The following ADAM23 variants were observed in gnomAD, a reference collection of about 807,000 sequenced individuals.
ADAM23 encodes the protein ADAM metallopeptidase domain 23, also known as disintegrin and metalloproteinase domain-containing protein 23.
A neutral mutation model predicts 120.1 loss-of-function variants in ADAM23; 33 were observed. The ratio of observed to expected loss-of-function variants is 0.27; its 90% CI spans 0.21 to 0.37. The LOEUF (loss-of-function observed/expected upper bound fraction) is 0.37, where lower values mean the gene tolerates loss of function less well. Among genes scored for constraint, ADAM23 ranks in the 10% least tolerant of loss-of-function variants. The pLI, the probability that ADAM23 is intolerant of heterozygous loss-of-function variation, is 1.00. For synonymous variants in ADAM23, 367 were observed against 375.2 expected (o/e 0.98, Z 0.25); for missense variants, 862 against 1,058.2 (o/e 0.81, Z 2.57).
intron 2 of ADAM23, among the ~76,000 whole-genome samples, chr2:206,454,917 G>A (rs999655177): frequency 1.3e-5 from 2 of 152,228 alleles, no homozygotes; most frequent in East Asian, 1.9e-4. Context: ...TCATGGGCTG[G>A]CATTGAGTGC....
At chr2:206,548,139 G>A (rs1465745678) in intron 7 of ADAM23, 142 bp from the exon 8 acceptor site, 1 of 670,618 alleles carries the variant, frequency 1.5e-6, no homozygotes, top group Non-Finnish European at 2.5e-6. Context: ...ATGAGAGTGT[G>A]AAATATATAA....
intron 25 of ADAM23, among the ~76,000 whole-genome samples, chr2:206,612,595 T>C (rs528512118): frequency 6.6e-6 from 1 of 152,296 alleles, no homozygotes; most frequent in African/African-American, 2.4e-5. Context: ...AATACTATAT[T>C]TTCCTAATGT....
intron 15 of ADAM23, among the ~76,000 whole-genome samples, chr2:206,568,802 A>C (rs1406450955): frequency 6.6e-6 from 1 of 152,226 alleles, no homozygotes; most frequent in Non-Finnish European, 1.5e-5. Flanking sequence ...GCAGCGAAAT[A>C]ATGTTAACCT....
intron 2 of ADAM23, among the ~76,000 whole-genome samples, chr2:206,454,949 G>C (rs866636860): frequency 2.0e-5 from 3 of 152,174 alleles, no homozygotes; most frequent in Non-Finnish European, 2.9e-5. Context: ...CTAGGTGCAT[G>C]GTGCAAGCTG....
chr2:206,450,257 G>A (rs951007838), intron 2 of ADAM23, among the ~76,000 whole-genome samples: 1 of 152,180 alleles, frequency 6.6e-6, no homozygotes, highest in African/African-American at 2.4e-5. Flanking sequence ...ATGGGGAAAA[G>A]ATTTCCCTTC....
At chr2:206,465,723 C>T (rs1695529563) in intron 2 of ADAM23, among the ~76,000 whole-genome samples, 1 of 152,036 alleles carries the variant, frequency 6.6e-6, no homozygotes, top group Non-Finnish European at 1.5e-5. Flanking sequence ...TATTCTTTGG[C>T]ACTATTACAA....
Position 206,445,510 on chromosome 2 carries a change from C to T in ADAM23, c.418C>T (p.Gln140Ter). The change falls in exon 2 of 26, where the codon CAA becomes TAA. Residue 140 changes from glutamine (Q) to a stop codon, truncating the protein, a stop_gained. Coordinates refer to ENST00000264377, the MANE Select transcript of ADAM23 (RefSeq NM_003812.4). LOFTEE classifies it high-confidence loss of function. Reference protein sequence around the residue: ...HVLDTKARHQQKHNKAVHLAQ... With the variant: ...HVLDTKARHQ ...TCTTGACACAAAGGCAAGACACCAG[C>T]AAAAACATAATAAGGTAGGCAGGAG... 1.2e-6 allele frequency: 2 copies of T among 1,612,566 alleles called. No individual in the cohort carries two copies. The highest frequency in any genetic ancestry group is 1.7e-6 in the Non-Finnish European group (2 of 1,179,424).
Position 206,530,944 on chromosome 2 carries a change from C to T in ADAM23, c.569C>T (p.Ser190Phe), listed in dbSNP as rs1386422994. Residue 190 changes from serine (S) to phenylalanine (F), a missense_variant, in exon 4 of 26, where the codon TCT (serine) becomes TTT (phenylalanine). This residue lies in a region of ADAM23 where 617 missense variants were observed against 813.5 expected (regional missense o/e 0.76). Coordinates refer to ENST00000264377, the MANE Select transcript of ADAM23 (RefSeq NM_003812.4). The part of the protein sequence containing the change: ...IHYENGKPQY[S>F]KGGEHCYYHG... ...TACGAAAATGGGAAACCACAGTACT[C>T]TAAGGTACGGTTACCGGCGTCGGCA... 1.2e-6 allele frequency: 2 copies of T among 1,613,538 alleles called. No homozygotes were observed. Among genetic ancestry groups the T allele is most frequent in the East Asian group, 2.2e-5 (1 of 44,858 alleles).
chr2:206,510,793 A>G (rs1696607549), intron 3 of ADAM23, among the ~76,000 whole-genome samples: 2 of 152,166 alleles, frequency 1.3e-5, no homozygotes, highest in Admixed American at 1.3e-4. Context: ...GAGGCCACCT[A>G]GTTTTTCCTT....
chr2:206,540,464 T>A (rs1477419792), intron 4 of ADAM23, among the ~76,000 whole-genome samples: 7 of 152,160 alleles, frequency 4.6e-5, no homozygotes, highest in Non-Finnish European at 1.0e-4. Context: ...CCTGACTTTA[T>A]AAATATATAT....
intron 22 of ADAM23, 65 bp from the exon 23 acceptor site, chr2:206,594,672 C>T (rs932412636): frequency 1.9e-6 from 3 of 1,575,192 alleles, no homozygotes; most frequent in Admixed American, 1.7e-5. Flanking sequence ...AAGAGCAAGC[C>T]TCATTCATGG....
chr2:206,479,184 A>G (rs1226593103), intron 2 of ADAM23, among the ~76,000 whole-genome samples: 1 of 152,268 alleles, frequency 6.6e-6, no homozygotes, highest in Non-Finnish European at 1.5e-5. Flanking sequence ...AACCTATTCT[A>G]GCAATTATCA....
intron 2 of ADAM23, among the ~76,000 whole-genome samples, chr2:206,480,896 A>G (rs1162503637): frequency 6.6e-6 from 1 of 152,198 alleles, no homozygotes; most frequent in East Asian, 1.9e-4. Flanking sequence ...TATGCACAAA[A>G]CGGGCTGAAA....
In ADAM23 at chr2:206,544,718, T is replaced by G. The variant is rs1002363435; in HGVS notation, c.720+1402T>G. Reference sequence around the variant, plus strand: ...AGCTCCGCCTGCTGGGTTCACGCCATTCTCCTGCCTCAGCCTCCCAAGTAG... The same window carrying G: ...AGCTCCGCCTGCTGGGTTCACGCCAGTCTCCTGCCTCAGCCTCCCAAGTAG... On this transcript the variant is annotated intron_variant, in intron 6 of 25. Transcript: ENST00000264377. Among the ~76,000 whole-genome samples, 313 of 152,048 alleles carry G rather than the reference T, an allele frequency of 2.1e-3. 2 individuals are homozygous for G. The highest frequency in any genetic ancestry group is 7.1e-3 in the African/African-American group (295 of 41,486).
intron 18 of ADAM23, among the ~76,000 whole-genome samples, chr2:206,585,488 T>C (rs1698303935): frequency 1.3e-5 from 2 of 152,196 alleles, no homozygotes; most frequent in Admixed American, 6.5e-5. Flanking sequence ...CCAAAGCATT[T>C]GCCTTGGAAT....
At chr2:206,530,862 ACT>A (rs1167556613) in intron 3 of ADAM23, 21 bp from the exon 4 acceptor site, 5 of 1,606,580 alleles carry the variant, frequency 3.1e-6, no homozygotes, top group Admixed American at 3.4e-5. Context: ...TGCAGAAATC[ACT>A]CTATTTTCTT....
At chr2:206,593,799 T>C (rs963901481) in intron 22 of ADAM23, among the ~76,000 whole-genome samples, 4 of 152,050 alleles carry the variant, frequency 2.6e-5, no homozygotes, top group Non-Finnish European at 5.9e-5. Flanking sequence ...TATAGCATTA[T>C]CATTCAAATT....
chr2:206,519,534 A>G (rs755679890), intron 3 of ADAM23, among the ~76,000 whole-genome samples: 48 of 152,080 alleles, frequency 3.2e-4, no homozygotes, highest in Admixed American at 2.8e-3. Flanking sequence ...ATGATAACTT[A>G]AAAAAATAGT....
In ADAM23 at chr2:206,507,933, G is replaced by A. The variant is rs575995582; in HGVS notation, c.510-22952G>A. On this transcript the variant is annotated intron_variant, in intron 3 of 25. Coordinates refer to ENST00000264377, the MANE Select transcript of ADAM23 (RefSeq NM_003812.4). ...CCAATGATCCTGTGCAGCCTGCTTG[G>A]GCTTCCCTCATTTCTAGGTCTGTCT... Among the ~76,000 whole-genome samples the A allele has an allele frequency of 8.9e-4, 135 of 152,222 alleles. 4 individuals carry two copies. In the South Asian group the frequency reaches 0.027, roughly 31 times the overall value.
Sources: gnomAD v4.1 joint callset for allele counts (sites outside exome capture counted in the v4.1 genomes callset) on GRCh38, gnomAD v4.1.1 for gene constraint, gnomAD v4.1.1 regional missense constraint, MANE v1.5 for transcripts, NCBI Gene and HGNC (gene_info 2026-07-23, HGNC 2026-07-21) for gene names.